DDC: variants seen among roughly 807,000 people sequenced by gnomAD.
DDC encodes the protein aromatic-L-amino-acid decarboxylase.
In DDC, 43 loss-of-function variants were observed where a neutral mutation model predicts 60.0. The ratio of observed to expected loss-of-function variants is 0.72; its 90% CI spans 0.56 to 0.92. The LOEUF (loss-of-function observed/expected upper bound fraction) is 0.92. Among genes scored for constraint, DDC ranks in the 40% least tolerant of loss-of-function variants. The pLI, the probability that DDC is intolerant of heterozygous loss-of-function variation, is 0.00. For synonymous variants in DDC, 232 were observed against 234.6 expected (o/e 0.99, Z 0.10); for missense variants, 573 against 620.2 (o/e 0.92, Z 0.81).
chr7:50,462,897 A>G (rs2042314070), intron 14 of DDC, among the ~76,000 whole-genome samples: 3 of 151,242 alleles, frequency 2.0e-5, no homozygotes, highest in Admixed American at 2.0e-4. Context: ...AGCCTCTGGA[A>G]TAGCTGGGAT....
chr7:50,460,397 C>T (rs1028583907), intron 14 of DDC, among the ~76,000 whole-genome samples: 3 of 149,732 alleles, frequency 2.0e-5, no homozygotes, highest in Admixed American at 6.6e-5. Context: ...CCGCCCCATC[C>T]GGGAGGAAGG....
chr7:50,494,668 C>T (rs967488981), intron 9 of DDC, among the ~76,000 whole-genome samples: 4 of 150,306 alleles, frequency 2.7e-5, no homozygotes, highest in South Asian at 2.1e-4. Flanking sequence ...TTTTCTTTCG[C>T]GAATACTTTT....
intron 1 of DDC, among the ~76,000 whole-genome samples, chr7:50,557,427 T>C (rs1165590072): frequency 6.6e-6 from 1 of 152,216 alleles, no homozygotes; most frequent in Admixed American, 6.5e-5. Context: ...CAAAAAAGAA[T>C]GCCAAGGACA....
chr7:50,510,907 G>A (rs1451302606), intron 6 of DDC, among the ~76,000 whole-genome samples: 1 of 149,764 alleles, frequency 6.7e-6, no homozygotes, highest in Non-Finnish European at 1.5e-5. Context: ...CATGAACCTG[G>A]GAGGTGGAGT....
chr7:50,554,257 G>A (rs2045107313), intron 1 of DDC, among the ~76,000 whole-genome samples: 1 of 152,128 alleles, frequency 6.6e-6, no homozygotes, highest in African/African-American at 2.4e-5. Flanking sequence ...GTGAGAGCCT[G>A]CTGCAGAGTC....
chr7:50,540,219 T>TTAA (rs2044579249), intron 2 of DDC, 191 bp from the exon 3 acceptor site: 1 of 622,214 alleles, frequency 1.6e-6, no homozygotes, highest in Non-Finnish European at 3.0e-6. Context: ...CACATCACCT[T>TTAA]ACTGTCCCCA....
chr7:50,464,029 G>T (rs1214907956), intron 13 of DDC, among the ~76,000 whole-genome samples: 2 of 152,012 alleles, frequency 1.3e-5, no homozygotes, highest in African/African-American at 2.4e-5. Context: ...TTGCTGTCCT[G>T]CCTGGGCCCT....
At chr7:50,511,354 T>C (rs2043573942) in intron 6 of DDC, among the ~76,000 whole-genome samples, 1 of 152,038 alleles carries the variant, frequency 6.6e-6, no homozygotes, top group African/African-American at 2.4e-5. Context: ...AAAAAATGCT[T>C]GTAATATTTG....
intron 11 of DDC, among the ~76,000 whole-genome samples, chr7:50,471,938 A>G (rs2042542965): frequency 6.6e-6 from 1 of 152,114 alleles, no homozygotes; most frequent in South Asian, 2.1e-4. Context: ...ACTTCCTACA[A>G]ATTAAAATGT....
chr7:50,463,759 T>C (rs1585130608), intron 13 of DDC, among the ~76,000 whole-genome samples: 2 of 152,130 alleles, frequency 1.3e-5, no homozygotes, highest in African/African-American at 4.8e-5. Context: ...ACAGCAGAAT[T>C]GGGGTTTCTG....
chr7:50,553,443 G>A (rs1338818807), intron 1 of DDC, among the ~76,000 whole-genome samples: 1 of 149,928 alleles, frequency 6.7e-6, no homozygotes, highest in South Asian at 2.1e-4. Flanking sequence ...ATTTCCCCCT[G>A]GATTAGCTGC....
intron 1 of DDC, among the ~76,000 whole-genome samples, chr7:50,552,904 C>T (rs2045055253): frequency 6.6e-6 from 1 of 152,218 alleles, no homozygotes; most frequent in Non-Finnish European, 1.5e-5. Context: ...CAGCCCCTCC[C>T]ACCATTGAGT....
intron 6 of DDC, among the ~76,000 whole-genome samples, chr7:50,522,056 C>A (rs548120664): frequency 5.9e-5 from 9 of 151,936 alleles, no homozygotes; most frequent in Non-Finnish European, 1.0e-4. Context: ...AAAACTCTCC[C>A]AGAACTAAGT....
At chr7:50,518,026 G>A (rs2153543343) in intron 6 of DDC, among the ~76,000 whole-genome samples, 1 of 151,810 alleles carries the variant, frequency 6.6e-6, no homozygotes, top group East Asian at 1.9e-4. Context: ...TGGCGAACAT[G>A]GTGAAACCCC....
chr7:50,468,931 ATTT>A (rs36005269), intron 12 of DDC, among the ~76,000 whole-genome samples: 9 of 86,160 alleles, frequency 1.0e-4, no homozygotes, highest in East Asian at 6.1e-4. Flanking sequence ...CAGTTTCCTC[ATTT>A]TTTTTTTTTT....
intron 9 of DDC, among the ~76,000 whole-genome samples, chr7:50,480,602 G>A (rs1019583949): frequency 1.3e-5 from 2 of 152,166 alleles, no homozygotes; most frequent in Non-Finnish European, 2.9e-5. Context: ...TAACCCTGTG[G>A]AGTCTGACGC....
At chr7:50,492,904 T>A in intron 9 of DDC, 1 of 1,595,490 alleles carries the variant, frequency 6.3e-7, no homozygotes, top group Non-Finnish European at 8.5e-7. Context: ...GCATCAGCTC[T>A]GCGGCAGGCA....
chr7:50,506,580 C>T (rs1489704474), intron 6 of DDC, among the ~76,000 whole-genome samples: 1 of 152,202 alleles, frequency 6.6e-6, no homozygotes, highest in Middle Eastern at 3.2e-3. Flanking sequence ...GAAGGGCAGT[C>T]CCTCCAGGGT....
intron 4 of DDC, among the ~76,000 whole-genome samples, chr7:50,531,561 C>T (rs2044208657): frequency 1.3e-5 from 2 of 149,732 alleles, no homozygotes; most frequent in Middle Eastern, 6.8e-3. Context: ...CATGACAACT[C>T]ATTATGGCTT....
Sources: allele counts gnomAD v4.1 joint callset (sites outside exome capture counted in the v4.1 genomes callset), GRCh38; gene constraint gnomAD v4.1.1; transcripts MANE v1.5; gene names NCBI Gene and HGNC (gene_info 2026-07-23, HGNC 2026-07-21).